Variants in VMP1 observed in about 807,000 individuals in gnomAD.
VMP1 encodes the protein ectopic P-granules autophagy protein 3 homolog.
Under a neutral mutation model 56.0 loss-of-function variants are expected in VMP1, and 11 were observed. That is an observed-to-expected ratio of 0.20 (90% CI 0.12 to 0.32). The LOEUF is 0.32. Among genes scored for constraint, VMP1 ranks in the 10% least tolerant of loss-of-function variants. The pLI is 1.00. For synonymous variants in VMP1, 149 were observed against 165.0 expected (o/e 0.90, Z 0.74); for missense variants, 296 against 490.3 (o/e 0.60, Z 3.74).
At chr17:59,735,607 A>G (rs369485470) in intron 3 of VMP1, 134 bp downstream of exon 3, 9 of 936,128 alleles carry the variant, frequency 9.6e-6, no homozygotes, top group Non-Finnish European at 1.4e-5. Context: ...CCATAGGAAC[A>G]TATTTATTCT....
At chr17:59,720,110 A>T (rs1356055422) in intron 1 of VMP1, among the ~76,000 whole-genome samples, 2 of 152,200 alleles carry the variant, frequency 1.3e-5, no homozygotes, top group South Asian at 4.1e-4. Context: ...GGTCAAGAAT[A>T]TGTGTTAGAT....
chr17:59,800,971 T>G (rs971388783), intron 7 of VMP1, among the ~76,000 whole-genome samples: 3 of 151,176 alleles, frequency 2.0e-5, no homozygotes, highest in African/African-American at 7.3e-5. Context: ...TCCCAGCTAC[T>G]CAGGAGGGTG....
chr17:59,761,622 C>G (rs1336560852), intron 5 of VMP1, among the ~76,000 whole-genome samples: 3 of 152,214 alleles, frequency 2.0e-5, no homozygotes, highest in Non-Finnish European at 4.4e-5. Flanking sequence ...CTGAGTCTCT[C>G]TACTCTAGCT....
chr17:59,713,628 G>A (rs927342828), intron 1 of VMP1, among the ~76,000 whole-genome samples: 8 of 149,824 alleles, frequency 5.3e-5, no homozygotes, highest in Non-Finnish European at 7.4e-5. Context: ...TGGGTGGATC[G>A]CTTGAGTCCA....
chr17:59,799,764 AC>A, intron 7 of VMP1, among the ~76,000 whole-genome samples: 2 of 152,248 alleles, frequency 1.3e-5, no homozygotes, highest in Admixed American at 1.3e-4. Context: ...GGAGTTTGAG[AC>A]CAGCCTGGCC....
chr17:59,808,837 A>G lies in VMP1; in HGVS notation c.756A>G (p.Val252=). The stretch of plus-strand genomic sequence containing the variant: ...CCAAACTGGCAGTTCAAAAACTAGT[A>G]CAGAAAGTTGGATTTTTTGGAATTT... ...SRAKLAVQKL[V]QKVGFFGILA... Residue 252 remains valine (V), a synonymous_variant, in exon 8 of 12, where the codon GTA becomes GTG. Coordinates refer to ENST00000262291, the MANE Select transcript of VMP1 (RefSeq NM_030938.5). The G allele has an allele frequency of 6.2e-7, 1 of 1,614,104 alleles. No individual in the cohort carries two copies. Among genetic ancestry groups the G allele is most frequent in the Non-Finnish European group, 8.5e-7 (1 of 1,180,010 alleles).
intron 5 of VMP1, among the ~76,000 whole-genome samples, chr17:59,743,619 A>G (rs1269611039): frequency 3.3e-5 from 5 of 149,486 alleles, no homozygotes; most frequent in Admixed American, 6.7e-5. Context: ...TGCTATATAT[A>G]TGCTATATTT....
intron 5 of VMP1, among the ~76,000 whole-genome samples, chr17:59,751,835 A>T (rs2035662632): frequency 6.9e-6 from 1 of 144,628 alleles, no homozygotes; most frequent in Non-Finnish European, 1.5e-5. Flanking sequence ...TTCTTTTTTG[A>T]GACAGGGTTT....
rs1157443211 is a variant in VMP1, at chr17:59,792,854, AAATAATAATAAT to A, written c.715-15929_715-15918del. Among the ~76,000 whole-genome samples, 2 of 86,436 alleles carry A rather than the reference AAATAATAATAAT, an allele frequency of 2.3e-5. 1 individual carries two copies. Among genetic ancestry groups the A allele is most frequent in the Non-Finnish European group, 5.4e-5 (2 of 36,896 alleles). 56.7% of individuals were successfully genotyped at this position (86,436 alleles called of 152,430 possible). A position where few individuals can be genotyped will look rare whatever the true frequency, so the allele number is the denominator to read the frequency against. ...ACATGAGCAAAAACGCCATCTCAAA[AAATAATAATAAT>A]AATAATAATAATTATTATTATTATT... On this transcript the variant is annotated intron_variant, in intron 7 of 11. Transcript: ENST00000262291.
chr17:59,752,974 T>C (rs149058709), intron 5 of VMP1, among the ~76,000 whole-genome samples: 1 of 152,270 alleles, frequency 6.6e-6, no homozygotes, highest in Non-Finnish European at 1.5e-5. Context: ...ATAAAATTTA[T>C]TTCTAAAAAG....
intron 5 of VMP1, among the ~76,000 whole-genome samples, chr17:59,752,924 G>T (rs1172114871): frequency 2.0e-5 from 3 of 152,104 alleles, no homozygotes; most frequent in Admixed American, 2.0e-4. Flanking sequence ...TTATCTGTAT[G>T]TATACTATAA....
chr17:59,710,813 GT>G (rs1421551059), intron 1 of VMP1, among the ~76,000 whole-genome samples: 1 of 152,172 alleles, frequency 6.6e-6, no homozygotes, highest in African/African-American at 2.4e-5. Context: ...GCTCACGCCT[GT>G]AATCCCAGCA....
At chr17:59,770,039 A>G (rs1449195304) in intron 6 of VMP1, among the ~76,000 whole-genome samples, 1 of 152,144 alleles carries the variant, frequency 6.6e-6, no homozygotes, top group African/African-American at 2.4e-5. Context: ...CATGATTCCC[A>G]TTGTTTCTTG....
At chr17:59,726,482 C>T (rs767234038) in intron 1 of VMP1, among the ~76,000 whole-genome samples, 2 of 151,866 alleles carry the variant, frequency 1.3e-5, no homozygotes, top group South Asian at 2.1e-4. Context: ...TTAGTAGAGA[C>T]GGGGTTTCGC....
intron 10 of VMP1, among the ~76,000 whole-genome samples, chr17:59,832,380 G>A (rs2038838850): frequency 6.6e-6 from 1 of 151,518 alleles, no homozygotes; most frequent in African/African-American, 2.4e-5. Context: ...GCCCAGGCTG[G>A]TCTCGAACTC....
intron 5 of VMP1, among the ~76,000 whole-genome samples, chr17:59,747,548 T>A (rs1042983217): frequency 6.6e-6 from 1 of 151,736 alleles, no homozygotes; most frequent in African/African-American, 2.4e-5. Context: ...TAGCTGGGAT[T>A]ACAGTCGCGT....
At chr17:59,772,522 A>G (rs2036463307) in intron 6 of VMP1, among the ~76,000 whole-genome samples, 1 of 150,456 alleles carries the variant, frequency 6.6e-6, no homozygotes, top group Admixed American at 6.7e-5. Context: ...TAATCCCAGC[A>G]CTTTGGGAGG....
At chr17:59,748,860 A>G (rs1165863405) in intron 5 of VMP1, among the ~76,000 whole-genome samples, 5 of 151,564 alleles carry the variant, frequency 3.3e-5, no homozygotes, top group Non-Finnish European at 7.4e-5. Context: ...AAAGTTTCTT[A>G]AAAGAGTGGA....
intron 5 of VMP1, among the ~76,000 whole-genome samples, chr17:59,755,714 GTTTC>G (rs2035814058): frequency 6.7e-6 from 1 of 148,896 alleles, no homozygotes; most frequent in Non-Finnish European, 1.5e-5. Flanking sequence ...TTGACAGTTT[GTTTC>G]TTTGTTTTTT....
Sources: allele counts gnomAD v4.1 joint callset (sites outside exome capture counted in the v4.1 genomes callset), GRCh38; gene constraint gnomAD v4.1.1; transcripts MANE v1.5; gene names NCBI Gene and HGNC (gene_info 2026-07-23, HGNC 2026-07-21).